The following ZNF438 variants were observed in gnomAD, a reference collection of about 807,000 sequenced individuals.
ZNF438 encodes zinc finger protein 438.
In ZNF438, 25 loss-of-function variants were observed where a neutral mutation model predicts 38.0. The observed-to-expected ratio is 0.66, with a 90% CI of 0.48 to 0.92. The LOEUF (loss-of-function observed/expected upper bound fraction) is 0.92. Among genes scored for constraint, ZNF438 ranks in the 40% least tolerant of loss-of-function variants. The probability of loss-of-function intolerance (pLI) is 0.00; values close to 1 mark genes in which losing one functional copy is unlikely to be tolerated. For missense variants in ZNF438, 1,007 were observed against 999.6 expected (o/e 1.01, Z -0.10); for synonymous variants, 372 against 364.1 (o/e 1.02, Z -0.25).
intron 1 of ZNF438, among the ~76,000 whole-genome samples, chr10:30,948,656 G>C (rs1395252525): frequency 6.6e-6 from 1 of 151,206 alleles, no homozygotes; most frequent in Non-Finnish European, 1.5e-5. Flanking sequence ...ATCAGCGATG[G>C]AAGATGAAAT....
At chr10:30,929,883 T>C (rs2045431720) in intron 2 of ZNF438, among the ~76,000 whole-genome samples, 1 of 152,150 alleles carries the variant, frequency 6.6e-6, no homozygotes, top group South Asian at 2.1e-4. Flanking sequence ...GAGTGCTAAT[T>C]GGTGCATTTA....
intron 1 of ZNF438, among the ~76,000 whole-genome samples, chr10:30,998,736 G>A (rs1484266709): frequency 2.0e-5 from 3 of 151,754 alleles, no homozygotes; most frequent in Non-Finnish European, 2.9e-5. Flanking sequence ...AAAACACACC[G>A]ATCTCTTTTA....
At chr10:30,890,692 A>C (rs1051546044) in intron 3 of ZNF438, among the ~76,000 whole-genome samples, 4 of 152,214 alleles carry the variant, frequency 2.6e-5, no homozygotes, top group African/African-American at 9.6e-5. Flanking sequence ...AAAAAATTCA[A>C]GTCAAGTAAA....
At chr10:30,924,156 C>A (rs2044639117) in intron 2 of ZNF438, among the ~76,000 whole-genome samples, 1 of 152,132 alleles carries the variant, frequency 6.6e-6, no homozygotes, top group South Asian at 2.1e-4. Flanking sequence ...GTTAACATGA[C>A]CAGTAACAAG....
chr10:30,946,811 C>T (rs2047465151), intron 1 of ZNF438, among the ~76,000 whole-genome samples: 1 of 151,788 alleles, frequency 6.6e-6, no homozygotes, highest in Non-Finnish European at 1.5e-5. Context: ...TTTTTCCTGC[C>T]ATATTTGAAA....
chr10:31,013,685 C>G (rs902130716), intron 1 of ZNF438, among the ~76,000 whole-genome samples: 3 of 152,128 alleles, frequency 2.0e-5, no homozygotes, highest in African/African-American at 7.2e-5. Flanking sequence ...TATCCACCTC[C>G]TTATGGATCT....
At chr10:30,988,272 A>G (rs2053073672) in intron 1 of ZNF438, among the ~76,000 whole-genome samples, 1 of 152,132 alleles carries the variant, frequency 6.6e-6, no homozygotes, top group Admixed American at 6.6e-5. Context: ...AAATTTAAAA[A>G]TCACAATTTA....
At chr10:31,008,290 G>A (rs889370875) in intron 1 of ZNF438, among the ~76,000 whole-genome samples, 2 of 152,040 alleles carry the variant, frequency 1.3e-5, no homozygotes, top group Non-Finnish European at 2.9e-5. Context: ...CAGCTTCATT[G>A]AGGTATAATT....
intron 4 of ZNF438, among the ~76,000 whole-genome samples, chr10:30,851,010 A>G (rs1036872082): frequency 1.3e-5 from 2 of 152,188 alleles, no homozygotes; most frequent in Admixed American, 1.3e-4. Context: ...TCCCCATGTG[A>G]CTTACGAATT....
intron 2 of ZNF438, among the ~76,000 whole-genome samples, chr10:30,915,663 A>G (rs938370450): frequency 6.6e-6 from 1 of 152,080 alleles, no homozygotes; most frequent in African/African-American, 2.4e-5. Context: ...AATATCTTGA[A>G]AATGTTTAGG....
At chr10:30,860,422 G>C (rs1406935341) in intron 4 of ZNF438, among the ~76,000 whole-genome samples, 1 of 152,202 alleles carries the variant, frequency 6.6e-6, no homozygotes, top group Admixed American at 6.5e-5. Context: ...TAACACAGCT[G>C]ATTCAATGTA....
At chr10:30,847,096 C>T (rs894344151) in intron 5 of ZNF438, among the ~76,000 whole-genome samples, 1 of 152,208 alleles carries the variant, frequency 6.6e-6, no homozygotes, top group African/African-American at 2.4e-5. Flanking sequence ...GTGCCATAAA[C>T]AGAAGCAGGG....
intron 1 of ZNF438, among the ~76,000 whole-genome samples, chr10:30,953,431 A>G (rs984120917): frequency 4.6e-5 from 7 of 151,802 alleles, no homozygotes; most frequent in Non-Finnish European, 1.5e-5. Flanking sequence ...TAAAAAAAAA[A>G]GTAAAAGAAT....
rs114976879 is a variant in ZNF438, at chr10:31,008,052, C to A, written c.-192+23781G>T. On this transcript the variant is annotated intron_variant, in intron 1 of 5. Transcript: ENST00000413025. ...TATTAAATATAAACAGTAGACAAAG[C>A]AGTTTTCATTTTATGTTTCAACATT... Among the ~76,000 whole-genome samples, 1,062 of 152,242 alleles carry A rather than the reference C, an allele frequency of 7.0e-3. 13 individuals are homozygous for A. The highest frequency in any genetic ancestry group is 0.024 in the African/African-American group (1,014 of 41,524).
exon 5 of ZNF438, chr10:30,849,627 T>C: frequency 6.2e-7 from 1 of 1,614,204 alleles, no homozygotes; most frequent in Non-Finnish European, 8.5e-7. Flanking sequence ...ACTTGTTCTT[T>C]AAATTTTTCA....
rs2055204636 is a variant in ZNF438, at chr10:31,007,028, A to T, written c.-192+24805T>A. On this transcript the variant is annotated intron_variant, in intron 1 of 5. Coordinates refer to ENST00000413025, the Ensembl canonical transcript of ZNF438. ...GGAAAGCAGGGACAAAAGAATTAAA[A>T]CCAGAAAAATGGCACTGTGAGAAAG... is the stretch of plus-strand genomic sequence containing the variant. 2.0e-5 allele frequency among the ~76,000 whole-genome samples: 3 copies of T among 151,978 alleles called. No individual in the cohort carries two copies. In the South Asian group the frequency reaches 6.2e-4, roughly 32 times the overall value.
chr10:30,852,096 G>A (rs2033749665), intron 4 of ZNF438, among the ~76,000 whole-genome samples: 1 of 151,950 alleles, frequency 6.6e-6, no homozygotes, highest in Non-Finnish European at 1.5e-5. Flanking sequence ...CCTGGAGGCA[G>A]AGGTTGTAGT....
chr10:30,944,662 T>C (rs2047179271), intron 1 of ZNF438, among the ~76,000 whole-genome samples: 1 of 152,190 alleles, frequency 6.6e-6, no homozygotes, highest in African/African-American at 2.4e-5. Context: ...TATAGCAGCA[T>C]TCAGATTTTT....
At chr10:30,849,465 T>C (rs2033094460) in exon 5 of ZNF438, 3 of 1,614,088 alleles carry the variant, frequency 1.9e-6, no homozygotes, top group South Asian at 2.2e-5. Context: ...AAACCTGCAA[T>C]GTTAGCATCT....
Sources: allele counts gnomAD v4.1 joint callset (sites outside exome capture counted in the v4.1 genomes callset), GRCh38; gene constraint gnomAD v4.1.1; transcripts MANE v1.5; gene names NCBI Gene and HGNC (gene_info 2026-07-23, HGNC 2026-07-21).